Variants in PRKN observed in about 807,000 individuals in gnomAD.
The protein encoded by PRKN is parkin RBR E3 ubiquitin protein ligase, also known as E3 ubiquitin-protein ligase parkin.
In PRKN, 56 loss-of-function variants were observed where a neutral mutation model predicts 59.5. The ratio of observed to expected loss-of-function variants is 0.94; its 90% CI spans 0.76 to 1.18. PRKN has a LOEUF of 1.18. PRKN is among the 50% of genes most tolerant of loss of function. The pLI is 0.00. For missense variants in PRKN, 657 were observed against 596.4 expected, an observed-to-expected ratio of 1.10 and a Z score of -1.06; for synonymous variants, 250 against 222.1, an observed-to-expected ratio of 1.13 and a Z score of -1.12.
At chr6:161,997,023 AT>A (rs1165779201) in intron 5 of PRKN, among the ~76,000 whole-genome samples, 1 of 152,120 alleles carries the variant, frequency 6.6e-6, no homozygotes, top group Non-Finnish European at 1.5e-5. Context: ...CTCTATACAC[AT>A]AAAAGAGCAA....
At chr6:161,650,076 C>T (rs1357143674) in intron 7 of PRKN, among the ~76,000 whole-genome samples, 1 of 152,178 alleles carries the variant, frequency 6.6e-6, no homozygotes, top group Non-Finnish European at 1.5e-5. Flanking sequence ...TCATACCAGT[C>T]CCCAGAGGTC....
chr6:162,362,775 GA>G (rs35302593), intron 2 of PRKN, among the ~76,000 whole-genome samples: 1 of 151,858 alleles, frequency 6.6e-6, no homozygotes, highest in Non-Finnish European at 1.5e-5. Flanking sequence ...CTCTAGCCCA[GA>G]AAAAAACTTT....
At chr6:161,869,431 C>T (rs1364287149) in intron 6 of PRKN, among the ~76,000 whole-genome samples, 3 of 152,066 alleles carry the variant, frequency 2.0e-5, no homozygotes, top group Non-Finnish European at 4.4e-5. Flanking sequence ...CGATGGTCAA[C>T]CCATACACAT....
intron 9 of PRKN, among the ~76,000 whole-genome samples, chr6:161,427,624 G>A (rs1788439017): frequency 6.6e-6 from 1 of 152,138 alleles, no homozygotes; most frequent in Non-Finnish European, 1.5e-5. Context: ...AACACAATTG[G>A]AAGACGTTTT....
rs1275291732 is a variant in PRKN, at chr6:161,588,870, G to T, written c.872-19454C>A. Among the ~76,000 whole-genome samples, 2 of 152,172 alleles carry T rather than the reference G, an allele frequency of 1.3e-5. No individual in the cohort carries two copies. The highest frequency in any genetic ancestry group is 2.9e-5 in the Non-Finnish European group (2 of 68,032). Reference sequence around the variant, plus strand: ...GACACCCAGTTAAATTTGAGTTTCAGTAAAGTACCAAGTCCTTTTTTTTTA... The same window carrying T: ...GACACCCAGTTAAATTTGAGTTTCATTAAAGTACCAAGTCCTTTTTTTTTA... On this transcript the variant is annotated intron_variant, in intron 7 of 11. Coordinates refer to ENST00000366898, the MANE Select transcript of PRKN (RefSeq NM_004562.3). The surrounding 1 kb of genome is among the most constrained non-coding windows in gnomAD (Gnocchi z 5.0).
Position 161,545,282 on chromosome 6 carries a change from T to C in PRKN, c.1083+3572A>G. The C allele has an allele frequency of 6.7e-7, 1 of 1,488,516 alleles. No individual in the cohort carries two copies. The highest frequency in any genetic ancestry group is 1.4e-5 in the South Asian group (1 of 73,210). 92.2% of individuals were successfully genotyped at this position (1,488,516 alleles called of 1,614,324 possible). A position where few individuals can be genotyped will look rare whatever the true frequency, so the allele number is the denominator to read the frequency against. ...AATAAATCTGTGAACCACATCCTGA[T>C]AATCACTGGAGTTAATGACGTCTAG... On this transcript the variant is annotated intron_variant, in intron 9 of 11. Transcript: ENST00000366898. This position sits in a 1 kb window ranked among gnomAD's most constrained non-coding sequence, Gnocchi z 4.1.
intron 6 of PRKN, among the ~76,000 whole-genome samples, chr6:161,898,085 C>T (rs533646290): frequency 6.7e-6 from 1 of 150,202 alleles, no homozygotes; most frequent in South Asian, 2.1e-4. Flanking sequence ...ATGACTATAA[C>T]AGAACTTGTA....
At chr6:162,586,462 T>C (rs12332883) in intron 1 of PRKN, among the ~76,000 whole-genome samples, 34,048 of 152,104 alleles carry the variant, frequency 0.22, 4,577 homozygotes, top group African/African-American at 0.37. Context: ...AGGTACACTA[T>C]GAACACTACT....
At chr6:162,237,745 G>A (rs1778802687) in intron 3 of PRKN, among the ~76,000 whole-genome samples, 1 of 151,772 alleles carries the variant, frequency 6.6e-6, no homozygotes, top group South Asian at 2.1e-4. Context: ...CTGTGAACAT[G>A]AACTGTCATA....
At chr6:162,047,150 A>G (rs1239662941) in intron 5 of PRKN, among the ~76,000 whole-genome samples, 1 of 152,230 alleles carries the variant, frequency 6.6e-6, no homozygotes, top group East Asian at 1.9e-4. Context: ...TTAAGAAAAC[A>G]TGACTGTGGG....
At chr6:161,990,194 G>T (rs1440677771) in intron 5 of PRKN, among the ~76,000 whole-genome samples, 1 of 152,072 alleles carries the variant, frequency 6.6e-6, no homozygotes, top group Non-Finnish European at 1.5e-5. Flanking sequence ...CAGCCCACTT[G>T]GTGTCCCTGT....
intron 4 of PRKN, among the ~76,000 whole-genome samples, chr6:162,121,018 C>G (rs951059095): frequency 2.6e-5 from 4 of 152,176 alleles, no homozygotes; most frequent in African/African-American, 4.8e-5. Flanking sequence ...TGGCATCTGG[C>G]AGTTTACACC....
At chr6:161,412,828 C>A (rs781316603) in intron 9 of PRKN, among the ~76,000 whole-genome samples, 3 of 149,264 alleles carry the variant, frequency 2.0e-5, no homozygotes, top group Non-Finnish European at 4.4e-5. Context: ...TCACTCACTC[C>A]TTCCTCACTC....
intron 4 of PRKN, among the ~76,000 whole-genome samples, chr6:162,199,848 T>C (rs1784645510): frequency 6.6e-6 from 1 of 152,114 alleles, no homozygotes; most frequent in Non-Finnish European, 1.5e-5. Flanking sequence ...GGTGGATCTT[T>C]TGAGTTCTTT....
At chr6:161,943,019 A>T (rs1194515592) in intron 6 of PRKN, among the ~76,000 whole-genome samples, 1 of 152,232 alleles carries the variant, frequency 6.6e-6, no homozygotes, top group Admixed American at 6.5e-5. Flanking sequence ...CACTTTTTGC[A>T]AAAGAACTGC....
chr6:162,646,118 C>G (rs541265623), intron 1 of PRKN, among the ~76,000 whole-genome samples: 1 of 151,868 alleles, frequency 6.6e-6, no homozygotes. Context: ...GTAAACCGCC[C>G]GCCTCGGCCT....
rs147099167 is a variant in PRKN at position 161,427,838 on chromosome 6, C to T, written c.1084-40961G>A. 1.5e-3 allele frequency among the ~76,000 whole-genome samples: 228 copies of T among 152,266 alleles called. 1 individual carries two copies. Among genetic ancestry groups the T allele is most frequent in the African/African-American group, 5.3e-3 (221 of 41,538 alleles). ...GTTTCACTTGCAATCTGCAGATTTCCATATGCTGTGGCTCAGCGATTTGCA... is the reference window on the plus strand; with the variant it reads ...GTTTCACTTGCAATCTGCAGATTTCTATATGCTGTGGCTCAGCGATTTGCA... On this transcript the variant is annotated intron_variant, in intron 9 of 11. Transcript: ENST00000366898.
chr6:162,720,466 C>G (rs1282213246), intron 1 of PRKN, among the ~76,000 whole-genome samples: 2 of 115,730 alleles, frequency 1.7e-5, no homozygotes, highest in South Asian at 5.8e-4. Context: ...TTTTTTGAGA[C>G]GGAGTCTCGC....
chr6:161,773,054 A>G (rs1054005611), intron 7 of PRKN, among the ~76,000 whole-genome samples: 7 of 152,178 alleles, frequency 4.6e-5, no homozygotes, highest in African/African-American at 1.7e-4. Flanking sequence ...GATAATTATT[A>G]AGATCAGATA....
Sources: gnomAD v4.1 joint callset for allele counts (sites outside exome capture counted in the v4.1 genomes callset) on GRCh38, gnomAD v4.1.1 for gene constraint, Gnocchi (gnomAD v3.1) non-coding constraint, MANE v1.5 for transcripts, NCBI Gene and HGNC (gene_info 2026-07-23, HGNC 2026-07-21) for gene names.